MARCHF3: variants seen among roughly 807,000 people sequenced by gnomAD.
MARCHF3 encodes E3 ubiquitin-protein ligase MARCHF3.
MARCHF3 carries 13 observed loss-of-function variants against 24.2 expected under a neutral mutation model. The observed-to-expected ratio is 0.54, with a 90% CI of 0.35 to 0.85. The LOEUF (loss-of-function observed/expected upper bound fraction) is 0.85, where lower values mean the gene tolerates loss of function less well. Ranked by LOEUF, MARCHF3 falls within the 40% of genes least tolerant of loss-of-function variation. MARCHF3 has a pLI of 0.01. For missense variants in MARCHF3, 276 were observed against 325.0 expected, an observed-to-expected ratio of 0.85 and a Z score of 1.16; for synonymous variants, 144 against 137.3, an observed-to-expected ratio of 1.05 and a Z score of -0.34.
chr5:126,916,212 C>G (rs545139924), intron 2 of MARCHF3, among the ~76,000 whole-genome samples: 242 of 152,272 alleles, frequency 1.6e-3, no homozygotes, highest in African/African-American at 5.6e-3. Context: ...AGGACCATGC[C>G]TCTCTGATGG....
At chr5:126,947,863 C>A (rs910919563) in intron 1 of MARCHF3, among the ~76,000 whole-genome samples, 1 of 152,006 alleles carries the variant, frequency 6.6e-6, no homozygotes, top group Non-Finnish European at 1.5e-5. Context: ...TATGAGACTG[C>A]CTCCCACGTG....
intron 4 of MARCHF3, among the ~76,000 whole-genome samples, chr5:126,874,597 A>G (rs1462025500): frequency 6.6e-6 from 1 of 152,086 alleles, no homozygotes; most frequent in African/African-American, 2.4e-5. Flanking sequence ...AAAAAAAAAA[A>G]AAAAAAAGTC....
At chr5:126,980,557 G>C (rs2126835669) in intron 1 of MARCHF3, among the ~76,000 whole-genome samples, 1 of 152,188 alleles carries the variant, frequency 6.6e-6, no homozygotes, top group Non-Finnish European at 1.5e-5. Flanking sequence ...TTTTAGTAGA[G>C]ACAGGGTTTC....
chr5:126,937,269 G>A (rs1051486266), intron 1 of MARCHF3, among the ~76,000 whole-genome samples: 7 of 152,174 alleles, frequency 4.6e-5, no homozygotes, highest in African/African-American at 1.4e-4. Flanking sequence ...CAATGACCCA[G>A]ACAGGATATA....
chr5:126,937,999 T>G (rs1373886144), intron 1 of MARCHF3, among the ~76,000 whole-genome samples: 2 of 152,200 alleles, frequency 1.3e-5, no homozygotes, highest in Non-Finnish European at 2.9e-5. Flanking sequence ...TATTTAATGC[T>G]TGGGCAAGAC....
At chr5:126,941,864 A>G (rs1466961882) in intron 1 of MARCHF3, among the ~76,000 whole-genome samples, 5 of 152,210 alleles carry the variant, frequency 3.3e-5, no homozygotes, top group Non-Finnish European at 7.3e-5. Context: ...TAAGCATACA[A>G]TGAGGGTATC....
At chr5:126,969,422 A>G (rs574772375) in intron 1 of MARCHF3, among the ~76,000 whole-genome samples, 8 of 152,322 alleles carry the variant, frequency 5.3e-5, no homozygotes, top group African/African-American at 1.7e-4. Context: ...GTATCAGCAA[A>G]ATAAAATACT....
chr5:126,903,539 A>T (rs892225567), intron 3 of MARCHF3, among the ~76,000 whole-genome samples: 2 of 152,018 alleles, frequency 1.3e-5, no homozygotes, highest in African/African-American at 2.4e-5. Context: ...TGAAACCAAA[A>T]CTCATAGTTT....
rs556181039 is a variant in MARCHF3 at position 126,977,672 on chromosome 5, T to C, written c.-57+52678A>G. On this transcript the variant is annotated intron_variant, in intron 1 of 4. Coordinates refer to ENST00000308660, the MANE Select transcript of MARCHF3 (RefSeq NM_178450.5). ...GAAATTTATCCTACAGTCATACTCA[T>C]ATAAGTGTGCAATATATGTTTGATT... 1.4e-4 allele frequency among the ~76,000 whole-genome samples: 21 copies of C among 152,332 alleles called. 1 individual carries two copies. Among genetic ancestry groups the C allele is most frequent in the Admixed American group, 6.5e-4 (10 of 15,308 alleles).
At chr5:126,982,879 G>T (rs1296456645) in intron 1 of MARCHF3, among the ~76,000 whole-genome samples, 3 of 152,206 alleles carry the variant, frequency 2.0e-5, no homozygotes, top group Non-Finnish European at 4.4e-5. Context: ...CACTAATGTG[G>T]TTGTCTCCCA....
intron 1 of MARCHF3, among the ~76,000 whole-genome samples, chr5:127,024,398 C>G (rs946913290): frequency 6.6e-6 from 1 of 152,146 alleles, no homozygotes; most frequent in Non-Finnish European, 1.5e-5. Context: ...TGAGAAGCTA[C>G]AAGATGAAAA....
chr5:126,891,323 T>C (rs1268264389), intron 3 of MARCHF3, among the ~76,000 whole-genome samples: 2 of 140,176 alleles, frequency 1.4e-5, no homozygotes, highest in African/African-American at 5.4e-5. Context: ...TTGGCTTTTG[T>C]TGCCATTGCT....
At chr5:127,000,146 A>G (rs189351257) in intron 1 of MARCHF3, among the ~76,000 whole-genome samples, 1 of 151,874 alleles carries the variant, frequency 6.6e-6, no homozygotes, top group African/African-American at 2.4e-5. Flanking sequence ...CATTTAACCA[A>G]CCTTCGTTTG....
Position 126,878,705 on chromosome 5 carries a change from T to A in MARCHF3, c.394-311A>T, listed in dbSNP as rs1396282888. 2.6e-5 allele frequency among the ~76,000 whole-genome samples: 4 copies of A among 152,180 alleles called. No individual in the cohort carries two copies. The South Asian group carries it at 8.3e-4, about 32-fold the overall frequency. On this transcript the variant is annotated intron_variant, in intron 3 of 4. Coordinates refer to ENST00000308660, the MANE Select transcript of MARCHF3 (RefSeq NM_178450.5). ...GTGGAAGGAAGAGAGAATGTTACGC[T>A]TGGAAGGTGACAGCTGAGGTAGGAG...
intron 3 of MARCHF3, among the ~76,000 whole-genome samples, chr5:126,912,288 T>C (rs1754562282): frequency 6.6e-6 from 1 of 152,214 alleles, no homozygotes; most frequent in African/African-American, 2.4e-5. Flanking sequence ...AGAGGGTTTA[T>C]TGACAACTGG....
At chr5:126,998,675 T>C (rs1000706717) in intron 1 of MARCHF3, among the ~76,000 whole-genome samples, 1 of 152,114 alleles carries the variant, frequency 6.6e-6, no homozygotes, top group African/African-American at 2.4e-5. Flanking sequence ...TGTTTTAAAA[T>C]CCTTCCCAGG....
chr5:126,959,813 G>A (rs866880812), intron 1 of MARCHF3, among the ~76,000 whole-genome samples: 39 of 152,070 alleles, frequency 2.6e-4, no homozygotes, highest in Admixed American at 1.6e-3. Context: ...TACCTCCATG[G>A]AAAACAACTC....
chr5:126,889,030 G>C (rs1160045676), intron 3 of MARCHF3, among the ~76,000 whole-genome samples: 27 of 152,204 alleles, frequency 1.8e-4, no homozygotes, highest in Admixed American at 1.8e-3. Flanking sequence ...CTCCCAAAGT[G>C]CTGGGATTAC....
chr5:126,900,076 C>G (rs1040566830), intron 3 of MARCHF3, among the ~76,000 whole-genome samples: 1 of 152,108 alleles, frequency 6.6e-6, no homozygotes, highest in Non-Finnish European at 1.5e-5. Context: ...TCCCTCCTTG[C>G]TAACTCTCTG....
Sources: allele counts gnomAD v4.1 joint callset (sites outside exome capture counted in the v4.1 genomes callset), GRCh38; gene constraint gnomAD v4.1.1; transcripts MANE v1.5; gene names NCBI Gene and HGNC (gene_info 2026-07-23, HGNC 2026-07-21).